The following TRAF3 variants were observed in gnomAD, a reference collection of about 807,000 sequenced individuals.
TRAF3 encodes TNF receptor-associated factor 3.
A neutral mutation model predicts 62.3 loss-of-function variants in TRAF3; 13 were observed. The ratio of observed to expected loss-of-function variants is 0.21; its 90% CI spans 0.14 to 0.33. TRAF3 has a LOEUF of 0.33. Ranked by LOEUF, TRAF3 falls within the 10% of genes least tolerant of loss-of-function variation. The pLI is 1.00. For synonymous variants in TRAF3, 269 were observed against 283.4 expected, an observed-to-expected ratio of 0.95 and a Z score of 0.51; for missense variants, 440 against 741.8, an observed-to-expected ratio of 0.59 and a Z score of 4.73.
chr14:102,783,753 G>A (rs1897360583), intron 1 of TRAF3, among the ~76,000 whole-genome samples: 1 of 152,164 alleles, frequency 6.6e-6, no homozygotes, highest in South Asian at 2.1e-4. Flanking sequence ...CTGGAGAAGT[G>A]TGGCATGGTG....
At chr14:102,864,147 CTT>C (rs1022782387) in intron 2 of TRAF3, among the ~76,000 whole-genome samples, 115 of 133,908 alleles carry the variant, frequency 8.6e-4, no homozygotes, top group African/African-American at 2.6e-3. Context: ...TTGCCTTTTT[CTT>C]TTTTTTTTTT....
intron 2 of TRAF3, among the ~76,000 whole-genome samples, chr14:102,834,751 AGATGGATT>A: frequency 4.6e-5 from 7 of 152,090 alleles, no homozygotes; most frequent in Admixed American, 1.3e-4. Flanking sequence ...AATCAACAAA[AGATGGATT>A]AAAGACTGAA....
chr14:102,837,779 TGTCAAA>T (rs1886119326), intron 2 of TRAF3, among the ~76,000 whole-genome samples: 1 of 152,344 alleles, frequency 6.6e-6, no homozygotes, highest in South Asian at 2.1e-4. Flanking sequence ...AATTGACAGT[TGTCAAA>T]GTCAGCAAAA....
chr14:102,836,161 G>T (rs1366777006), intron 2 of TRAF3, among the ~76,000 whole-genome samples: 1 of 152,218 alleles, frequency 6.6e-6, no homozygotes, highest in Non-Finnish European at 1.5e-5. Flanking sequence ...AAGGTGTACT[G>T]CCTGCACACA....
chr14:102,874,956 C>T (rs1406386795), intron 4 of TRAF3, among the ~76,000 whole-genome samples: 1 of 152,164 alleles, frequency 6.6e-6, no homozygotes, highest in Non-Finnish European at 1.5e-5. Context: ...CACGCCCAGC[C>T]TCGTTTTCAT....
intron 2 of TRAF3, among the ~76,000 whole-genome samples, chr14:102,838,754 A>G (rs1886182713): frequency 6.6e-6 from 1 of 152,190 alleles, no homozygotes; most frequent in South Asian, 2.1e-4. Flanking sequence ...ACTCACACCC[A>G]GAGGCTGGCT....
chr14:102,901,812 C>T (rs1466668396), intron 10 of TRAF3, among the ~76,000 whole-genome samples: 1 of 152,194 alleles, frequency 6.6e-6, no homozygotes, highest in African/African-American at 2.4e-5. Flanking sequence ...GTGCTGAAAC[C>T]TAGATGTTTA....
intron 2 of TRAF3, among the ~76,000 whole-genome samples, chr14:102,835,026 C>A (rs1885910064): frequency 6.6e-6 from 1 of 152,048 alleles, no homozygotes; most frequent in Non-Finnish European, 1.5e-5. Context: ...TATCCAGCAT[C>A]TATAAGGAAC....
chr14:102,789,124 T>A (rs7145882), intron 1 of TRAF3, among the ~76,000 whole-genome samples: 1 of 151,920 alleles, frequency 6.6e-6, no homozygotes, highest in Non-Finnish European at 1.5e-5. Context: ...TATAACTTGT[T>A]TTTTGTATCT....
At chr14:102,873,357 C>G (rs899803871) in intron 4 of TRAF3, among the ~76,000 whole-genome samples, 5 of 152,238 alleles carry the variant, frequency 3.3e-5, no homozygotes, top group Admixed American at 1.3e-4. Flanking sequence ...AGCCCCTCCC[C>G]TCCACTCTGT....
chr14:102,875,823 A>G, intron 5 of TRAF3, 95 bp downstream of exon 5: 3 of 1,076,084 alleles, frequency 2.8e-6, no homozygotes, highest in Non-Finnish European at 2.9e-6. Flanking sequence ...TGGCACTTTA[A>G]GACCATGTTG....
chr14:102,865,146 A>G (rs1236038793), intron 2 of TRAF3, among the ~76,000 whole-genome samples: 1 of 152,164 alleles, frequency 6.6e-6, no homozygotes, highest in South Asian at 2.1e-4. Context: ...GTCAAGAGTC[A>G]TCAGTAAACC....
chr14:102,842,213 CA>C (rs1422307707), intron 2 of TRAF3, among the ~76,000 whole-genome samples: 2 of 151,106 alleles, frequency 1.3e-5, no homozygotes, highest in African/African-American at 4.9e-5. Context: ...CACTGCACTC[CA>C]GCCTGGCGAC....
chr14:102,893,387 C>CA (rs75938667), intron 9 of TRAF3, among the ~76,000 whole-genome samples: 9,829 of 76,612 alleles, frequency 0.13, 657 homozygotes, highest in African/African-American at 0.27. Context: ...GAGACTGTCT[C>CA]AAAAAAAAAA....
chr14:102,903,809 G>A lies in TRAF3; in HGVS notation c.1135+380G>A, dbSNP rs1456640288. 1 of 476,762 alleles carries A rather than the reference G, an allele frequency of 2.1e-6. No homozygotes were observed. Among genetic ancestry groups the A allele is most frequent in the Non-Finnish European group, 4.1e-6 (1 of 240,966 alleles). 29.5% of individuals were successfully genotyped at this position (476,762 alleles called of 1,614,324 possible). ...CCCCAGACCCCACTCCTAAGGGCCA[G>A]GGGGCAGCAGTCCCACCGCGCTCTG... is the stretch of plus-strand genomic sequence containing the variant. On this transcript the variant is annotated intron_variant, in intron 11 of 11. Coordinates refer to ENST00000392745, the MANE Select transcript of TRAF3 (RefSeq NM_145725.3). The surrounding 1 kb of genome is among the most constrained non-coding windows in gnomAD (Gnocchi z 6.4).
intron 6 of TRAF3, among the ~76,000 whole-genome samples, chr14:102,884,002 A>T (rs535926523): frequency 6.6e-6 from 1 of 152,344 alleles, no homozygotes; most frequent in African/African-American, 2.4e-5. Context: ...AGGGTTTTTT[A>T]AAAAATGAAT....
At chr14:102,819,681 G>C (rs1049251101) in intron 1 of TRAF3, among the ~76,000 whole-genome samples, 5 of 152,204 alleles carry the variant, frequency 3.3e-5, no homozygotes, top group African/African-American at 1.2e-4. Flanking sequence ...AGGGCCAGAG[G>C]TGTTTGGGAA....
intron 2 of TRAF3, among the ~76,000 whole-genome samples, chr14:102,844,421 A>C (rs10133709): frequency 1.3e-5 from 2 of 152,026 alleles, no homozygotes; most frequent in Non-Finnish European, 2.9e-5. Context: ...GAGAATCTCT[A>C]TAAGTCCCAT....
At chr14:102,865,497 ATTTT>A (rs558222101) in intron 2 of TRAF3, among the ~76,000 whole-genome samples, 1 of 133,702 alleles carries the variant, frequency 7.5e-6, no homozygotes, top group Admixed American at 7.6e-5. Flanking sequence ...GTTAATCTGA[ATTTT>A]TTTTTTTTTT....
Sources: allele counts gnomAD v4.1 joint callset (sites outside exome capture counted in the v4.1 genomes callset), GRCh38; gene constraint gnomAD v4.1.1; non-coding constraint Gnocchi (gnomAD v3.1); transcripts MANE v1.5; gene names NCBI Gene and HGNC (gene_info 2026-07-23, HGNC 2026-07-21).